POLR1G: variants seen among roughly 807,000 people sequenced by gnomAD.
The protein encoded by POLR1G is DNA-directed RNA polymerase I subunit RPA34.
Under a neutral mutation model 6.3 loss-of-function variants are expected in POLR1G, and 9 were observed. The observed-to-expected ratio is 1.44, with a 90% confidence interval of 0.87 to 2.51. POLR1G has a LOEUF of 2.51. POLR1G is among the 30% of genes most tolerant of loss of function. POLR1G has a pLI of 0.00. For missense variants in POLR1G, 617 were observed against 632.5 expected, an observed-to-expected ratio of 0.98 and a Z score of 0.26; for synonymous variants, 248 against 256.5, an observed-to-expected ratio of 0.97 and a Z score of 0.32.
In POLR1G at chr19:45,406,849, C is replaced by A; in HGVS notation, c.22+131C>A. On this transcript the variant is annotated intron_variant, in intron 1 of 2. Coordinates refer to ENST00000309424, the MANE Select transcript of POLR1G (RefSeq NM_012099.3). This position sits in a 1 kb window ranked among gnomAD's most constrained non-coding sequence, Gnocchi z 4.2. Reference sequence around the variant, plus strand: ...GCGAAGAGCGTGCATTCCCAGTGGGCGAACGGGAATTCGAACGGAGAGAGG... The same window carrying A: ...GCGAAGAGCGTGCATTCCCAGTGGGAGAACGGGAATTCGAACGGAGAGAGG... The A allele has an allele frequency of 1.9e-6, 2 of 1,037,882 alleles. No homozygotes were observed. Among genetic ancestry groups the A allele is most frequent in the South Asian group, 1.7e-5 (1 of 58,090 alleles). 64.3% of individuals were successfully genotyped at this position (1,037,882 alleles called of 1,614,324 possible).
At position 45,408,376 on chromosome 19, in the gene POLR1G, T is replaced by C. The variant is rs538270415; in HGVS notation, c.408T>C (p.Ser136=). 4 of 1,608,140 alleles carry C rather than the reference T, an allele frequency of 2.5e-6. No individual in the cohort carries two copies. The South Asian group carries it at 4.4e-5, about 18-fold the overall frequency. The change falls in exon 3 of 3, where the codon AGT becomes AGC. Residue 136 remains serine, a synonymous_variant. Transcript: ENST00000309424. ...GCCCTCTGCAGCCCATCCCAGCAAG[T>C]CCCCCACCACAGATCCCTCCTGGCC... ...SGSPLQPIPA[S]PPPQIPPGLR...
rs2123435657 is a variant in POLR1G, at chr19:45,409,447, G to C, written c.1479G>C (p.Glu493Asp). The C allele has an allele frequency of 6.2e-7, 1 of 1,613,260 alleles. No homozygotes were observed. Among genetic ancestry groups the C allele is most frequent in the Non-Finnish European group, 8.5e-7 (1 of 1,179,966 alleles). ...GPPLNSESGEEAPTGRDKKRK... is the reference protein window; with the variant it reads ...GPPLNSESGEDAPTGRDKKRK... ...CACTGAATTCAGAGTCTGGGGAGGA[G>C]GCTCCCACAGGCCGGGACAAGAAGC... Residue 493 changes from glutamate to aspartate, a missense_variant, in exon 3 of 3, where the codon GAG becomes GAC. Physicochemically the swap from Glu to Asp is conservative, Grantham distance 45. Transcript: ENST00000309424.
intron 2 of POLR1G, chr19:45,407,817 A>G: frequency 3.7e-6 from 1 of 269,884 alleles, no homozygotes. Context: ...ATCCTTTGGG[A>G]GGCCGAGGCG....
chr19:45,409,406 G>GAGAT lies in POLR1G; in HGVS notation c.1439_1442dup (p.Met481IlefsTer127). The GAGAT allele has an allele frequency of 6.2e-7, 1 of 1,613,912 alleles. No homozygotes were observed. The highest frequency in any genetic ancestry group is 8.5e-7 in the Non-Finnish European group (1 of 1,180,006). The stretch of plus-strand genomic sequence containing the variant: ...GATGCCAGAGACAGTGCCCCAAGAG[G>GAGAT]AGATGCCAGGGCCGCCACTGAATTC... On this transcript the variant is annotated frameshift_variant, in exon 3 of 3. Transcript: ENST00000309424. LOFTEE classifies it low-confidence loss of function (END_TRUNC).
rs367657846 is a variant in POLR1G at position 45,407,118 on chromosome 19, C to A, written c.47C>A (p.Pro16His). 1 of 1,603,564 alleles carries A rather than the reference C, an allele frequency of 6.2e-7. No individual in the cohort carries two copies. Residue 16 changes from proline (P) to histidine (H), a missense_variant, in exon 2 of 3, where the codon CCC (proline) becomes CAC (histidine). Physicochemically the swap from Pro to His is moderately conservative, Grantham distance 77 (BLOSUM62 -2). Coordinates refer to ENST00000309424, the MANE Select transcript of POLR1G (RefSeq NM_012099.3). Reference protein sequence around the residue: ...AGDAARFSCPPNFTAKPPASE... With the variant: ...AGDAARFSCPHNFTAKPPASE... ...GATGCTGCTCGGTTCTCTTGTCCCC[C>A]CAACTTTACCGCGAAGCCCCCAGCC... is the stretch of plus-strand genomic sequence containing the variant.
Position 45,409,780 on chromosome 19 carries a change from G to T in POLR1G, c.*279G>T. ...CCAGTCATTAAAGGAGCTGTTTCCT[G>T]GGTAAATCTAGAGTGGGGTTTTGGT... On this transcript the variant is annotated 3_prime_UTR_variant, in exon 3 of 3. Coordinates refer to ENST00000309424, the MANE Select transcript of POLR1G (RefSeq NM_012099.3). 2.7e-6 allele frequency: 2 copies of T among 742,082 alleles called. No homozygotes were observed. Among genetic ancestry groups the T allele is most frequent in the Non-Finnish European group, 5.0e-6 (2 of 398,758 alleles). The allele number at this position is 742,082 out of a possible 1,614,324, so 46.0% of individuals were successfully genotyped here. A position where few individuals can be genotyped will look rare whatever the true frequency, so the allele number is the denominator to read the frequency against.
Position 45,406,883 on chromosome 19 carries a change from G to A in POLR1G, c.22+165G>A. On this transcript the variant is annotated intron_variant, in intron 1 of 2. Transcript: ENST00000309424. The surrounding 1 kb of genome is among the most constrained non-coding windows in gnomAD (Gnocchi z 4.2). ...ATTCGAACGGAGAGAGGGTTATCTT[G>A]TGGGGGGCTACCCGTGGAGAGCAAG... 1 of 962,004 alleles carries A rather than the reference G, an allele frequency of 1.0e-6. No individual in the cohort carries two copies. Among genetic ancestry groups the A allele is most frequent in the Non-Finnish European group, 1.5e-6 (1 of 670,528 alleles). 59.6% of individuals were successfully genotyped at this position (962,004 alleles called of 1,614,324 possible).
In POLR1G at chr19:45,409,396, G is replaced by T. The variant is rs1018481502; in HGVS notation, c.1428G>T (p.Val476=). The T allele has an allele frequency of 7.4e-6, 12 of 1,614,030 alleles. No homozygotes were observed. Among genetic ancestry groups the T allele is most frequent in the Non-Finnish European group, 1.0e-5 (12 of 1,180,016 alleles). The change falls in exon 3 of 3, where the codon GTG becomes GTT. Residue 476 remains valine (V), a synonymous_variant. Transcript: ENST00000309424. ...QSQESRMPET[V]PQEEMPGPPL... ...AGGAAAGCCGGATGCCAGAGACAGT[G>T]CCCCAAGAGGAGATGCCAGGGCCGC...
In POLR1G at chr19:45,407,138, C is replaced by T. The variant is rs1471669477; in HGVS notation, c.67C>T (p.Pro23Ser). Residue 23 changes from proline to serine, a missense_variant, in exon 2 of 3, where the codon CCA becomes TCA. Transcript: ENST00000309424. ...SCPPNFTAKPPASESPRFSLE... is the reference protein window; with the variant it reads ...SCPPNFTAKPSASESPRFSLE... Reference sequence around the variant, plus strand: ...TCCCCCCAACTTTACCGCGAAGCCCCCAGCCTCAGAGTCCCCTCGTTTCTC... The same window carrying T: ...TCCCCCCAACTTTACCGCGAAGCCCTCAGCCTCAGAGTCCCCTCGTTTCTC... 1 of 1,611,148 alleles carries T rather than the reference C, an allele frequency of 6.2e-7. No homozygotes were observed. Among genetic ancestry groups the T allele is most frequent in the Non-Finnish European group, 8.5e-7 (1 of 1,179,328 alleles).
At position 45,409,895 on chromosome 19, in the gene POLR1G, A is replaced by ATTTTTTT. The variant is rs57573120; in HGVS notation, c.*402_*408dup. 501 of 171,580 alleles carry ATTTTTTT rather than the reference A, an allele frequency of 2.9e-3. 5 individuals are homozygous for ATTTTTTT. The highest frequency in any genetic ancestry group is 0.01 in the African/African-American group (368 of 36,446). 10.6% of individuals were successfully genotyped at this position (171,580 alleles called of 1,614,324 possible). ...TTTTTAAGTTATTATTATTATTATT[A>ATTTTTTT]TTTTTTTTTTTTTTGAGATGGAGTC... is the stretch of plus-strand genomic sequence containing the variant. On this transcript the variant is annotated 3_prime_UTR_variant, in exon 3 of 3. Coordinates refer to ENST00000309424, the MANE Select transcript of POLR1G (RefSeq NM_012099.3).
chr19:45,407,076 T>C lies in POLR1G; in HGVS notation c.23-18T>C. ...GGCAAGGAGGTGTCAGTCGACCCCA[T>C]TTCCCCTTCTGCTGCAGATGCTGCT... is the stretch of plus-strand genomic sequence containing the variant. On this transcript the variant is annotated intron_variant, in intron 1 of 2. Coordinates refer to ENST00000309424, the MANE Select transcript of POLR1G (RefSeq NM_012099.3). 6.3e-7 allele frequency: 1 copy of C among 1,584,710 alleles called. No individual in the cohort carries two copies. Among genetic ancestry groups the C allele is most frequent in the Non-Finnish European group, 8.5e-7 (1 of 1,169,970 alleles).
chr19:45,407,087 G>A lies in POLR1G; in HGVS notation c.23-7G>A, dbSNP rs777191558. 4 of 1,585,824 alleles carry A rather than the reference G, an allele frequency of 2.5e-6. No individual in the cohort carries two copies. The highest frequency in any genetic ancestry group is 3.4e-6 in the Non-Finnish European group (4 of 1,170,976). ...GTCAGTCGACCCCATTTCCCCTTCT[G>A]CTGCAGATGCTGCTCGGTTCTCTTG... On this transcript the variant is annotated splice_region_variant and splice_polypyrimidine_tract_variant and intron_variant, in intron 1 of 2. Coordinates refer to ENST00000309424, the MANE Select transcript of POLR1G (RefSeq NM_012099.3).
chr19:45,407,960 A>G (rs891776741), intron 2 of POLR1G, 173 bp from the exon 3 acceptor site: 5 of 789,154 alleles, frequency 6.3e-6, no homozygotes, highest in Admixed American at 6.1e-5. Context: ...AGGCTGAGGC[A>G]GGAGAATCGC....
Position 45,409,323 on chromosome 19 carries a change from A to C in POLR1G, c.1355A>C (p.Glu452Ala). 1 of 1,614,140 alleles carries C rather than the reference A, an allele frequency of 6.2e-7. No individual in the cohort carries two copies. The highest frequency in any genetic ancestry group is 8.5e-7 in the Non-Finnish European group (1 of 1,180,018). ...EPELPGEGQP[E>A]ARATPGSTKK... ...GAACTGCCAGGGGAGGGACAGCCTGAAGCCAGGGCAACTCCGGGATCCACC... is the reference window on the plus strand; with the variant it reads ...GAACTGCCAGGGGAGGGACAGCCTGCAGCCAGGGCAACTCCGGGATCCACC... Residue 452 changes from glutamate to alanine, a missense_variant, in exon 3 of 3, where the codon GAA becomes GCA. By Grantham distance (107) the Glu-to-Ala change is moderately radical. Transcript: ENST00000309424.
In POLR1G at chr19:45,409,339, G is replaced by A. The variant is rs143359960; in HGVS notation, c.1371G>A (p.Pro457=). ...GEGQPEARAT[P]GSTKKRKKQS... is the part of the protein sequence containing the mutation. ...GACAGCCTGAAGCCAGGGCAACTCC[G>A]GGATCCACCAAGAAGAGGAAGAAGC... The change falls in exon 3 of 3, where the codon CCG becomes CCA. Residue 457 remains proline, a synonymous_variant. Coordinates refer to ENST00000309424, the MANE Select transcript of POLR1G (RefSeq NM_012099.3). 3.0e-5 allele frequency: 49 copies of A among 1,614,106 alleles called. 1 individual carries two copies. The Middle Eastern group carries it at 1.2e-3, about 38-fold the overall frequency.
Position 45,410,596 on chromosome 19 carries a change from T to TGTGTGTGTGTGG in POLR1G, c.*1096_*1097insTGTGTGTGTGGG, listed in dbSNP as rs896460788. ...GTGTGTGTGTGTGTGTGTGTGTGTG[T>TGTGTGTGTGTGG]GGTACCCATTAACCTTCCCCATCTC... On this transcript the variant is annotated 3_prime_UTR_variant, in exon 3 of 3. Transcript: ENST00000309424. 1.9e-4 allele frequency: 29 copies of TGTGTGTGTGTGG among 151,724 alleles called. No individual in the cohort carries two copies. Among genetic ancestry groups the TGTGTGTGTGTGG allele is most frequent in the African/African-American group, 6.8e-4 (28 of 41,200 alleles). The allele number at this position is 151,724 out of a possible 1,614,324, so 9.4% of individuals were successfully genotyped here.
chr19:45,407,271 T>C (rs920286500), intron 2 of POLR1G, 36 bp downstream of exon 2: 3 of 1,589,574 alleles, frequency 1.9e-6, no homozygotes, highest in Non-Finnish European at 2.6e-6. Context: ...AGGGTCCCGG[T>C]CCAGACCCCA....
chr19:45,409,402 AGAGGAGAT>A lies in POLR1G; in HGVS notation c.1436_1443del (p.Glu479AlafsTer125). 1 of 1,613,948 alleles carries A rather than the reference AGAGGAGAT, an allele frequency of 6.2e-7. No individual in the cohort carries two copies. Among genetic ancestry groups the A allele is most frequent in the South Asian group, 1.1e-5 (1 of 91,070 alleles). On this transcript the variant is annotated frameshift_variant, in exon 3 of 3. Transcript: ENST00000309424. LOFTEE classifies it low-confidence loss of function (END_TRUNC). ...GCCGGATGCCAGAGACAGTGCCCCA[AGAGGAGAT>A]GCCAGGGCCGCCACTGAATTCAGAG...
At position 45,408,577 on chromosome 19, in the gene POLR1G, G is replaced by A; in HGVS notation, c.609G>A (p.Leu203=). Residue 203 remains leucine, a synonymous_variant, in exon 3 of 3, where the codon TTG becomes TTA. Transcript: ENST00000309424. ...GHGALEVDMA[L]GSPEMDVRKK... is the part of the protein sequence containing the mutation. Reference sequence around the variant, plus strand: ...GGGCCCTGGAGGTGGACATGGCTTTGGGGTCGCCAGAAATGGATGTGCGGA... The same window carrying A: ...GGGCCCTGGAGGTGGACATGGCTTTAGGGTCGCCAGAAATGGATGTGCGGA... The A allele has an allele frequency of 6.2e-7, 1 of 1,613,870 alleles. No homozygotes were observed. Among genetic ancestry groups the A allele is most frequent in the East Asian group, 2.2e-5 (1 of 44,878 alleles).
Sources: allele counts gnomAD v4.1 joint callset, GRCh38; gene constraint gnomAD v4.1.1; non-coding constraint Gnocchi (gnomAD v3.1); transcripts MANE v1.5; gene names NCBI Gene and HGNC (gene_info 2026-07-23, HGNC 2026-07-21).